ARIH1: variants seen among roughly 807,000 people sequenced by gnomAD.
The protein encoded by ARIH1 is E3 ubiquitin-protein ligase ARIH1.
In ARIH1, 8 loss-of-function variants were observed where a neutral mutation model predicts 85.0. The observed-to-expected ratio is 0.09, with a 90% CI of 0.06 to 0.17. The LOEUF (loss-of-function observed/expected upper bound fraction) is 0.17, where lower values mean the gene tolerates loss of function less well. Ranked by LOEUF, ARIH1 falls within the 10% of genes least tolerant of loss-of-function variation. The probability of loss-of-function intolerance (pLI) is 1.00; values close to 1 mark genes in which losing one functional copy is unlikely to be tolerated. For missense variants in ARIH1, 311 were observed against 718.1 expected (o/e 0.43, Z 6.48); for synonymous variants, 238 against 253.6 (o/e 0.94, Z 0.59).
rs957213613 is a variant in ARIH1 at position 72,540,412 on chromosome 15, C to T, written c.444-4408C>T. Among the ~76,000 whole-genome samples the T allele has an allele frequency of 1.5e-4, 23 of 152,050 alleles. 1 individual carries two copies. The South Asian group carries it at 2.1e-3, about 14-fold the overall frequency. ...AAGAAATGTATTTAAGTATTAATTA[C>T]ATAGGCCACTCCTAGTAAAACTAAA... On this transcript the variant is annotated intron_variant, in intron 2 of 13. Coordinates refer to ENST00000379887, the MANE Select transcript of ARIH1 (RefSeq NM_005744.5).
intron 2 of ARIH1, among the ~76,000 whole-genome samples, chr15:72,529,036 TAAAAATAC>T (rs1188233583): frequency 6.6e-6 from 1 of 150,722 alleles, no homozygotes; most frequent in Non-Finnish European, 1.5e-5. Context: ...CCATCTCTAC[TAAAAATAC>T]AAAAAATTAG....
chr15:72,572,405 T>G (rs1265045469), intron 11 of ARIH1: 1 of 307,098 alleles, frequency 3.3e-6, no homozygotes, highest in African/African-American at 2.2e-5. Context: ...ACCCTGCTAA[T>G]TTTTGTATTT....
At chr15:72,559,740 C>T (rs2064190034) in intron 5 of ARIH1, among the ~76,000 whole-genome samples, 1 of 152,118 alleles carries the variant, frequency 6.6e-6, no homozygotes, top group African/African-American at 2.4e-5. Flanking sequence ...TGCTTTCTGT[C>T]TTTGTGGATT....
chr15:72,504,186 C>T (rs990968010), intron 1 of ARIH1, among the ~76,000 whole-genome samples: 4 of 152,174 alleles, frequency 2.6e-5, no homozygotes, highest in Admixed American at 1.3e-4. Context: ...TCTTGAATAG[C>T]TGGGATTACA....
Position 72,594,811 on chromosome 15 carries a change from CTTTTTTTTTTT to C in ARIH1, c.*11536_*11546del, listed in dbSNP as rs71137306. On this transcript the variant is annotated 3_prime_UTR_variant, in exon 14 of 14. Coordinates refer to ENST00000379887, the MANE Select transcript of ARIH1 (RefSeq NM_005744.5). ...TTTTTCTGATTTTATGCCTTTTCTT[CTTTTTTTTTTT>C]TTTTTTTTTTTTTTTTGTCTTTCTC... 10 of 79,624 alleles carry C rather than the reference CTTTTTTTTTTT, an allele frequency of 1.3e-4. No homozygotes were observed. Among genetic ancestry groups the C allele is most frequent in the East Asian group, 4.8e-4 (1 of 2,078 alleles). 4.9% of individuals were successfully genotyped at this position (79,624 alleles called of 1,614,324 possible). A position where few individuals can be genotyped will look rare whatever the true frequency, so the allele number is the denominator to read the frequency against.
At position 72,552,097 on chromosome 15, in the gene ARIH1, C is replaced by T. The variant is rs375625829; in HGVS notation, c.589-3174C>T. Among the ~76,000 whole-genome samples the T allele has an allele frequency of 5.3e-5, 8 of 152,136 alleles. 1 individual carries two copies. Among genetic ancestry groups the T allele is most frequent in the Admixed American group, 4.6e-4 (7 of 15,274 alleles). On this transcript the variant is annotated intron_variant, in intron 3 of 13. Coordinates refer to ENST00000379887, the MANE Select transcript of ARIH1 (RefSeq NM_005744.5). ...TAAATGTATATATTTATTATAATGT[C>T]ACCTCTACAGATTTGTCCTAAGATA... is the stretch of plus-strand genomic sequence containing the variant.
chr15:72,555,860 G>A lies in ARIH1; in HGVS notation c.690G>A (p.Ser230=), dbSNP rs145297013. The A allele has an allele frequency of 9.9e-6, 16 of 1,612,404 alleles. No homozygotes were observed. Among genetic ancestry groups the A allele is most frequent in the South Asian group, 7.7e-5 (7 of 90,968 alleles). Residue 230 remains serine (S), a synonymous_variant, in exon 5 of 14, where the codon TCG becomes TCA. Coordinates refer to ENST00000379887, the MANE Select transcript of ARIH1 (RefSeq NM_005744.5). ...IMEEGMGQTI[S]CPAHGCDILV... ...ATTTCAATCTTTTTCAGACTATTTC[G>A]TGTCCTGCTCATGGTTGTGATATCT...
intron 7 of ARIH1, 139 bp from the exon 8 acceptor site, chr15:72,566,422 CAT>C: frequency 2.8e-6 from 2 of 716,082 alleles, no homozygotes; most frequent in Non-Finnish European, 5.0e-6. Context: ...GTAAAGCAGA[CAT>C]GGGTTCTCTC....
chr15:72,541,448 A>G (rs12903126), intron 2 of ARIH1, among the ~76,000 whole-genome samples: 2,650 of 152,338 alleles, frequency 0.017, 36 homozygotes, highest in Non-Finnish European at 0.027. Flanking sequence ...GTTCTTGGCT[A>G]GGAAGACAAT....
At chr15:72,569,395 T>C (rs2140435271) in intron 9 of ARIH1, among the ~76,000 whole-genome samples, 1 of 152,264 alleles carries the variant, frequency 6.6e-6, no homozygotes, top group East Asian at 1.9e-4. Flanking sequence ...ATGAAAAGAA[T>C]TTAAAACATG....
chr15:72,594,811 C>CTTTTTTTTTTTT lies in ARIH1; in HGVS notation c.*11535_*11546dup, dbSNP rs71137306. ...TTTTTCTGATTTTATGCCTTTTCTT[C>CTTTTTTTTTTTT]TTTTTTTTTTTTTTTTTTTTTTTTT... On this transcript the variant is annotated 3_prime_UTR_variant, in exon 14 of 14. Transcript: ENST00000379887. 192 of 79,622 alleles carry CTTTTTTTTTTTT rather than the reference C, an allele frequency of 2.4e-3. 26 individuals carry two copies. The highest frequency in any genetic ancestry group is 7.7e-3 in the African/African-American group (126 of 16,422). The allele number at this position is 79,622 out of a possible 1,614,324, so 4.9% of individuals were successfully genotyped here. A position where few individuals can be genotyped will look rare whatever the true frequency, so the allele number is the denominator to read the frequency against.
chr15:72,572,067 ATT>A (rs561058884), intron 10 of ARIH1, 39 bp from the exon 11 acceptor site: 1 of 1,234,066 alleles, frequency 8.1e-7, no homozygotes. Context: ...CTTTTCATTG[ATT>A]TTTTTTTTCT....
Position 72,474,828 on chromosome 15 carries a change from C to T in ARIH1, c.189C>T (p.Cys63=), listed in dbSNP as rs541290862. 3.6e-6 allele frequency: 5 copies of T among 1,407,014 alleles called. No homozygotes were observed. The South Asian group carries it at 5.7e-5, about 16-fold the overall frequency. 87.2% of individuals were successfully genotyped at this position (1,407,014 alleles called of 1,614,324 possible). The change falls in exon 1 of 14, where the codon TGC becomes TGT. Residue 63 remains cysteine (C), a synonymous_variant. Transcript: ENST00000379887. The part of the protein sequence containing the change: ...GVGGERDGLL[C]GETGGGGGSA... ...GCGGGGAGCGGGACGGACTGCTGTGCGGGGAGACGGGCGGTGGCGGCGGCA... is the reference window on the plus strand; with the variant it reads ...GCGGGGAGCGGGACGGACTGCTGTGTGGGGAGACGGGCGGTGGCGGCGGCA...
chr15:72,590,030 T>C lies in ARIH1; in HGVS notation c.*6738T>C, dbSNP rs897496113. The stretch of plus-strand genomic sequence containing the variant: ...TAAGAAAATAGAAGCTCAAATAAAA[T>C]GGGTAGTTTCCTTGAGGTCATCCTG... On this transcript the variant is annotated 3_prime_UTR_variant, in exon 14 of 14. Coordinates refer to ENST00000379887, the MANE Select transcript of ARIH1 (RefSeq NM_005744.5). 6.6e-6 allele frequency: 1 copy of C among 152,188 alleles called. No homozygotes were observed. The highest frequency in any genetic ancestry group is 2.4e-5 in the African/African-American group (1 of 41,454). 9.4% of individuals were successfully genotyped at this position (152,188 alleles called of 1,614,324 possible).
chr15:72,521,348 C>G (rs954576286), intron 2 of ARIH1, among the ~76,000 whole-genome samples: 1 of 151,892 alleles, frequency 6.6e-6, no homozygotes. Flanking sequence ...TCTTAATATA[C>G]TGAAACTTAC....
At position 72,566,687 on chromosome 15, in the gene ARIH1, G is replaced by A. The variant is rs1398840263; in HGVS notation, c.954+82G>A. On this transcript the variant is annotated intron_variant, in intron 8 of 13. Transcript: ENST00000379887. ...ACTAAAAATCATAGCTGATGATTTT[G>A]TTATCTATCTATTGATAGATTTTTT... is the stretch of plus-strand genomic sequence containing the variant. 2.5e-6 allele frequency: 3 copies of A among 1,218,730 alleles called. No individual in the cohort carries two copies. The East Asian group carries it at 7.2e-5, about 29-fold the overall frequency. The allele number at this position is 1,218,730 out of a possible 1,614,324, so 75.5% of individuals were successfully genotyped here.
At chr15:72,495,526 A>G (rs930004271) in intron 1 of ARIH1, among the ~76,000 whole-genome samples, 3 of 152,236 alleles carry the variant, frequency 2.0e-5, no homozygotes, top group African/African-American at 7.2e-5. Flanking sequence ...AATAAAGAAT[A>G]TACAAATGGT....
chr15:72,559,522 C>T (rs2064189051), intron 5 of ARIH1, among the ~76,000 whole-genome samples: 1 of 152,160 alleles, frequency 6.6e-6, no homozygotes, highest in South Asian at 2.1e-4. Flanking sequence ...TCACCCACCT[C>T]TGCCTCCCAA....
intron 2 of ARIH1, among the ~76,000 whole-genome samples, chr15:72,533,120 T>C (rs1403671761): frequency 1.3e-5 from 2 of 152,162 alleles, no homozygotes; most frequent in African/African-American, 4.8e-5. Flanking sequence ...GAGAAATGCC[T>C]GTGTTTTTGG....
Sources: allele counts gnomAD v4.1 joint callset (sites outside exome capture counted in the v4.1 genomes callset), GRCh38; gene constraint gnomAD v4.1.1; transcripts MANE v1.5; gene names NCBI Gene and HGNC (gene_info 2026-07-23, HGNC 2026-07-21).